MLLT3: variants seen among roughly 807,000 people sequenced by gnomAD.
The protein encoded by MLLT3 is protein AF-9.
MLLT3 carries 4 observed loss-of-function variants against 53.2 expected under a neutral mutation model. The observed-to-expected ratio is 0.08, with a 90% confidence interval of 0.04 to 0.17. The LOEUF is 0.17. MLLT3 is among the 10% of genes least tolerant of loss of function. The pLI is 1.00. For missense variants in MLLT3, 569 were observed against 684.0 expected, an observed-to-expected ratio of 0.83 and a Z score of 1.87; for synonymous variants, 283 against 230.6, an observed-to-expected ratio of 1.23 and a Z score of -2.06.
intron 2 of MLLT3, among the ~76,000 whole-genome samples, chr9:20,466,551 G>A (rs1181437320): frequency 6.6e-6 from 1 of 152,142 alleles, no homozygotes; most frequent in Non-Finnish European, 1.5e-5. Context: ...CTATAGAAGT[G>A]AGAAACACAC....
chr9:20,434,293 T>C (rs1224808256), intron 4 of MLLT3, among the ~76,000 whole-genome samples: 1 of 152,176 alleles, frequency 6.6e-6, no homozygotes, highest in Non-Finnish European at 1.5e-5. Flanking sequence ...AATTCTAAAG[T>C]ATTCAGGGAC....
At chr9:20,567,068 G>T (rs149766345) in intron 2 of MLLT3, among the ~76,000 whole-genome samples, 4 of 151,310 alleles carry the variant, frequency 2.6e-5, no homozygotes, top group East Asian at 1.9e-4. Context: ...ATCATTTATG[G>T]ATTAGAAAGT....
intron 2 of MLLT3, among the ~76,000 whole-genome samples, chr9:20,478,664 T>A (rs1026344643): frequency 2.0e-5 from 3 of 152,160 alleles, no homozygotes; most frequent in African/African-American, 7.2e-5. Context: ...CACAGGACCG[T>A]GAATAAGATG....
intron 10 of MLLT3, among the ~76,000 whole-genome samples, chr9:20,351,515 A>G (rs767058446): frequency 5.9e-5 from 9 of 152,222 alleles, no homozygotes; most frequent in Non-Finnish European, 8.8e-5. Context: ...GTGGCTTAGG[A>G]ACACAGGCTC....
intron 2 of MLLT3, among the ~76,000 whole-genome samples, chr9:20,514,005 A>C (rs370128515): frequency 1.3e-5 from 2 of 152,284 alleles, no homozygotes; most frequent in East Asian, 3.9e-4. Flanking sequence ...ATTCTGATGG[A>C]AAGTTGGAAG....
At position 20,617,191 on chromosome 9, in the gene MLLT3, G is replaced by T. The variant is rs531757582; in HGVS notation, c.193+3463C>A. Reference sequence around the variant, plus strand: ...TATATCTTTTAAATGACTCTGAAGAGAAAATATACCAGATGCACACAACGT... The same window carrying T: ...TATATCTTTTAAATGACTCTGAAGATAAAATATACCAGATGCACACAACGT... On this transcript the variant is annotated intron_variant, in intron 2 of 10. Transcript: ENST00000380338. Among the ~76,000 whole-genome samples, 3 of 152,256 alleles carry T rather than the reference G, an allele frequency of 2.0e-5. No individual in the cohort carries two copies. The South Asian group carries it at 6.2e-4, about 32-fold the overall frequency.
intron 2 of MLLT3, among the ~76,000 whole-genome samples, chr9:20,481,517 C>G (rs1169968393): frequency 6.6e-6 from 1 of 152,042 alleles, no homozygotes; most frequent in Admixed American, 6.6e-5. Flanking sequence ...GTGGATTTTG[C>G]AATGAGGGGA....
At chr9:20,482,645 T>C (rs1824693023) in intron 2 of MLLT3, among the ~76,000 whole-genome samples, 1 of 152,202 alleles carries the variant, frequency 6.6e-6, no homozygotes, top group Admixed American at 6.5e-5. Flanking sequence ...GGTTTAATAA[T>C]AGATTATCAT....
chr9:20,572,434 A>T (rs4422852), intron 2 of MLLT3, among the ~76,000 whole-genome samples: 63,343 of 152,106 alleles, frequency 0.42, 13,636 homozygotes, highest in Middle Eastern at 0.5. Flanking sequence ...TCCACAATCT[A>T]TAAAGCTCTC....
At chr9:20,555,771 C>T (rs1477144763) in intron 2 of MLLT3, among the ~76,000 whole-genome samples, 1 of 152,194 alleles carries the variant, frequency 6.6e-6, no homozygotes, top group African/African-American at 2.4e-5. Flanking sequence ...CCACTAGAAG[C>T]AAACTGGTCT....
intron 4 of MLLT3, among the ~76,000 whole-genome samples, chr9:20,425,609 G>C (rs1452241905): frequency 6.6e-6 from 1 of 151,956 alleles, no homozygotes; most frequent in Admixed American, 6.6e-5. Context: ...TTTTCCTTCT[G>C]ATGTCATTTG....
Position 20,414,275 on chromosome 9 carries a change from T to C in MLLT3, c.571A>G (p.Thr191Ala), listed in dbSNP as rs1224384763. Residue 191 changes from threonine (T) to alanine (A), a missense_variant, in exon 5 of 11, where the codon ACC becomes GCC. Physicochemically the swap from Thr to Ala is moderately conservative, Grantham distance 58 (BLOSUM62 0). Around this residue, in one of 5 missense-constraint regions of MLLT3, gnomAD observed 437 missense variants for 376.5 expected, o/e 1.16. Transcript: ENST00000380338. ...AATTTGTGAGGCTTTGAAAAACTGGTACTACTGCTGCTGCTGCTGCTGCTA... is the reference window on the plus strand; with the variant it reads ...AATTTGTGAGGCTTTGAAAAACTGGCACTACTGCTGCTGCTGCTGCTGCTA... ...SSSSSSSSSS[T>A]SFSKPHKLMK... The C allele has an allele frequency of 5.6e-6, 9 of 1,613,394 alleles. No individual in the cohort carries two copies. In the East Asian group the frequency reaches 6.7e-5, roughly 12 times the overall value.
At chr9:20,375,780 T>C (rs920932381) in intron 5 of MLLT3, among the ~76,000 whole-genome samples, 3 of 151,760 alleles carry the variant, frequency 2.0e-5, no homozygotes, top group African/African-American at 7.3e-5. Context: ...GGCTAGGTTT[T>C]TGTATTTTTA....
intron 4 of MLLT3, among the ~76,000 whole-genome samples, chr9:20,441,394 A>G (rs759824637): frequency 2.6e-5 from 4 of 152,152 alleles, no homozygotes; most frequent in African/African-American, 7.2e-5. Flanking sequence ...GAAATAATTT[A>G]TGAGATCGAC....
intron 2 of MLLT3, among the ~76,000 whole-genome samples, chr9:20,477,021 G>C (rs774326304): frequency 3.9e-5 from 6 of 152,106 alleles, no homozygotes; most frequent in Non-Finnish European, 7.4e-5. Context: ...TTGACAGACA[G>C]TTTCACCTTT....
Position 20,458,323 on chromosome 9 carries a change from T to C in MLLT3, c.194-1537A>G, listed in dbSNP as rs963626831. On this transcript the variant is annotated intron_variant, in intron 2 of 10. Coordinates refer to ENST00000380338, the MANE Select transcript of MLLT3 (RefSeq NM_004529.4). The stretch of plus-strand genomic sequence containing the variant: ...AGGAAGCACATTCACCTCAAGAAGA[T>C]AGAGTGTCAAGGGCTCAGGCGACAG... Among the ~76,000 whole-genome samples the C allele has an allele frequency of 3.3e-5, 5 of 152,276 alleles. No individual in the cohort carries two copies. The South Asian group carries it at 6.2e-4, about 19-fold the overall frequency.
At chr9:20,507,484 T>C (rs982134868) in intron 2 of MLLT3, among the ~76,000 whole-genome samples, 5 of 152,146 alleles carry the variant, frequency 3.3e-5, no homozygotes, top group African/African-American at 9.7e-5. Flanking sequence ...CTAGTTTATA[T>C]AACATTTCTT....
At chr9:20,519,048 T>C (rs1339934349) in intron 2 of MLLT3, among the ~76,000 whole-genome samples, 1 of 152,176 alleles carries the variant, frequency 6.6e-6, no homozygotes, top group Non-Finnish European at 1.5e-5. Context: ...TTTAAATCAT[T>C]AAATAGAAAA....
intron 5 of MLLT3, among the ~76,000 whole-genome samples, chr9:20,401,601 C>A (rs900819632): frequency 1.3e-5 from 2 of 152,202 alleles, no homozygotes; most frequent in East Asian, 1.9e-4. Context: ...CCGGTCATCA[C>A]TTCCAAGTTC....
Sources: gnomAD v4.1 joint callset for allele counts (sites outside exome capture counted in the v4.1 genomes callset) on GRCh38, gnomAD v4.1.1 for gene constraint, gnomAD v4.1.1 regional missense constraint, MANE v1.5 for transcripts, NCBI Gene and HGNC (gene_info 2026-07-23, HGNC 2026-07-21) for gene names.